Variants in VIL1 observed in about 807,000 individuals in gnomAD.
VIL1 encodes the protein villin-1.
A neutral mutation model predicts 104.0 loss-of-function variants in VIL1; 86 were observed. The ratio of observed to expected loss-of-function variants is 0.83; its 90% CI spans 0.69 to 0.99. The LOEUF is 0.99. VIL1 is among the 50% of genes least tolerant of loss of function. VIL1 has a pLI of 0.00. For missense variants in VIL1, 944 were observed against 1,054.1 expected, an observed-to-expected ratio of 0.90 and a Z score of 1.45; for synonymous variants, 394 against 412.6, an observed-to-expected ratio of 0.95 and a Z score of 0.55.
At chr2:218,441,961 T>C (rs1245493481) in intron 19 of VIL1, among the ~76,000 whole-genome samples, 1 of 152,072 alleles carries the variant, frequency 6.6e-6, no homozygotes, top group Non-Finnish European at 1.5e-5. Context: ...CACTCCAGCC[T>C]GGGCGACAAG....
In VIL1 at chr2:218,453,024, A is replaced by G. The variant is rs1689529790; in HGVS notation, c.*3688A>G. 1 of 152,216 alleles carries G rather than the reference A, an allele frequency of 6.6e-6. No homozygotes were observed. Among genetic ancestry groups the G allele is most frequent in the South Asian group, 2.1e-4 (1 of 4,834 alleles). The allele number at this position is 152,216 out of a possible 1,614,324, so 9.4% of individuals were successfully genotyped here. A position where few individuals can be genotyped will look rare whatever the true frequency, so the allele number is the denominator to read the frequency against. On this transcript the variant is annotated 3_prime_UTR_variant, in exon 20 of 20. Coordinates refer to ENST00000248444, the MANE Select transcript of VIL1 (RefSeq NM_007127.3). The stretch of plus-strand genomic sequence containing the variant: ...CTACTCTGGCGTTTTCTACCACTCT[A>G]CCATTTTGGAACATTCATTACAATA...
chr2:218,426,727 C>G (rs1022281394), intron 4 of VIL1, among the ~76,000 whole-genome samples: 5 of 152,126 alleles, frequency 3.3e-5, no homozygotes, highest in Non-Finnish European at 7.4e-5. Context: ...TCAGCCTCCC[C>G]AGCAGCTGGG....
chr2:218,419,292 G>T, intron 1 of VIL1, 124 bp downstream of exon 1: 1 of 152,320 alleles, frequency 6.6e-6, no homozygotes, highest in Non-Finnish European at 1.5e-5. Context: ...GGGGAGGCTT[G>T]ACACTCTGGA....
At chr2:218,434,054 G>A (rs1465755790) in intron 13 of VIL1, among the ~76,000 whole-genome samples, 4 of 151,772 alleles carry the variant, frequency 2.6e-5, no homozygotes, top group Admixed American at 1.3e-4. Flanking sequence ...AAAATTAGCC[G>A]GGCGTGGCAG....
At chr2:218,440,603 T>A in intron 18 of VIL1, 119 bp from the exon 19 acceptor site, 3 of 1,182,046 alleles carry the variant, frequency 2.5e-6, no homozygotes, top group Non-Finnish European at 3.6e-6. Flanking sequence ...TGTGGCAGGG[T>A]GGGGTGGGAC....
At chr2:218,421,829 A>C (rs1243480486) in intron 1 of VIL1, among the ~76,000 whole-genome samples, 1 of 152,086 alleles carries the variant, frequency 6.6e-6, no homozygotes, top group African/African-American at 2.4e-5. Context: ...CTGCCAGTTA[A>C]CCCTGGAATC....
chr2:218,421,890 AAGTTGACCCCCTC>A (rs1487777646), intron 1 of VIL1, among the ~76,000 whole-genome samples: 2 of 152,226 alleles, frequency 1.3e-5, no homozygotes, highest in African/African-American at 4.8e-5. Context: ...TTAACCCCCT[AAGTTGACCCCCTC>A]AGCTCATAGA....
At position 218,432,194 on chromosome 2, in the gene VIL1, G is replaced by C; in HGVS notation, c.1341+11G>C. ...CTCTACGTTTGGCAGGTCAGGTCCC[G>C]CCACGTCCCACCCAGAGCACAGCCG... On this transcript the variant is annotated intron_variant, in intron 12 of 19. Transcript: ENST00000248444. 5 of 1,609,006 alleles carry C rather than the reference G, an allele frequency of 3.1e-6. No individual in the cohort carries two copies. The highest frequency in any genetic ancestry group is 2.5e-6 in the Non-Finnish European group (3 of 1,178,740).
chr2:218,419,746 G>A (rs961239898), intron 1 of VIL1, among the ~76,000 whole-genome samples: 5 of 152,258 alleles, frequency 3.3e-5, no homozygotes, highest in South Asian at 4.1e-4. Context: ...GGGCCATGCC[G>A]GGCCACCCTA....
intron 3 of VIL1, among the ~76,000 whole-genome samples, chr2:218,424,752 G>A (rs1278611021): frequency 2.6e-5 from 4 of 151,958 alleles, no homozygotes; most frequent in South Asian, 4.2e-4. Context: ...CACTTCCCGG[G>A]TTCAAGCGAT....
At position 218,424,326 on chromosome 2, in the gene VIL1, A is replaced by G. The variant is rs1288846592; in HGVS notation, c.125A>G (p.Asp42Gly). ...VPSSTFGSFF[D>G]GDCYIILAIH... ...TCCAGCACCTTTGGAAGCTTCTTCG[A>G]TGGTGACTGCTACATCATCCTGGCT... Residue 42 changes from aspartate to glycine, a missense_variant, in exon 3 of 20, where the codon GAT becomes GGT. Transcript: ENST00000248444. 1 of 1,613,912 alleles carries G rather than the reference A, an allele frequency of 6.2e-7. No homozygotes were observed. The highest frequency in any genetic ancestry group is 1.3e-5 in the African/African-American group (1 of 75,000).
intron 1 of VIL1, among the ~76,000 whole-genome samples, chr2:218,420,428 CAAA>C (rs71064447): frequency 2.5e-5 from 2 of 80,230 alleles, no homozygotes; most frequent in Admixed American, 1.6e-4. Flanking sequence ...GACTCTGTCT[CAAA>C]AAAAAAAAAA....
intron 4 of VIL1, among the ~76,000 whole-genome samples, chr2:218,426,763 G>A (rs28449400): frequency 0.015 from 2,284 of 152,166 alleles, 22 homozygotes; most frequent in Non-Finnish European, 0.024. Flanking sequence ...CACCACGTCC[G>A]GCTAATTTTT....
rs779084839 is a variant in VIL1, at chr2:218,432,199, G to A, written c.1341+16G>A. The A allele has an allele frequency of 8.1e-5, 130 of 1,608,476 alleles. No individual in the cohort carries two copies. The highest frequency in any genetic ancestry group is 1.1e-4 in the Non-Finnish European group (124 of 1,178,688). ...CGTTTGGCAGGTCAGGTCCCGCCAC[G>A]TCCCACCCAGAGCACAGCCGGCTTA... is the stretch of plus-strand genomic sequence containing the variant. On this transcript the variant is annotated intron_variant, in intron 12 of 19. Coordinates refer to ENST00000248444, the MANE Select transcript of VIL1 (RefSeq NM_007127.3).
chr2:218,450,820 A>C lies in VIL1; in HGVS notation c.*1484A>C, dbSNP rs1329210922. 6.6e-6 allele frequency: 1 copy of C among 152,254 alleles called. No homozygotes were observed. Among genetic ancestry groups the C allele is most frequent in the Non-Finnish European group, 1.5e-5 (1 of 68,044 alleles). 9.4% of individuals were successfully genotyped at this position (152,254 alleles called of 1,614,324 possible). On this transcript the variant is annotated 3_prime_UTR_variant, in exon 20 of 20. Transcript: ENST00000248444. The stretch of plus-strand genomic sequence containing the variant: ...ACCTCTGTACTTTTAAGAAAAGTCC[A>C]ATGTTACAAAATCAAATGCTTATAT...
chr2:218,446,357 C>T (rs1689363434), intron 19 of VIL1, among the ~76,000 whole-genome samples: 1 of 152,084 alleles, frequency 6.6e-6, no homozygotes, highest in African/African-American at 2.4e-5. Flanking sequence ...GCCTCAGGCT[C>T]CCGAGTAGCT....
rs1006568623 is a variant in VIL1 at position 218,432,403 on chromosome 2, C to T, written c.1341+220C>T. 1.7e-5 allele frequency: 13 copies of T among 782,222 alleles called. No individual in the cohort carries two copies. The African/African-American group carries it at 2.2e-4, about 13-fold the overall frequency. The allele number at this position is 782,222 out of a possible 1,614,324, so 48.5% of individuals were successfully genotyped here. On this transcript the variant is annotated intron_variant, in intron 12 of 19. Transcript: ENST00000248444. ...TCTCCCTTCCAATTTTCATTGCCTT[C>T]TGCACATTCTTGTCACCTGCTCTGC...
chr2:218,442,948 G>A (rs563371596), intron 19 of VIL1, among the ~76,000 whole-genome samples: 1 of 152,266 alleles, frequency 6.6e-6, no homozygotes, highest in South Asian at 2.1e-4. Context: ...GGGAGGCTAG[G>A]AGGCACATGG....
chr2:218,429,140 C>A (rs930577583), intron 6 of VIL1, 145 bp from the exon 7 acceptor site: 6 of 917,120 alleles, frequency 6.5e-6, no homozygotes, highest in Non-Finnish European at 9.8e-6. Flanking sequence ...AAAAGCTTGA[C>A]CCCTCCGACG....
Sources: allele counts gnomAD v4.1 joint callset (sites outside exome capture counted in the v4.1 genomes callset), GRCh38; gene constraint gnomAD v4.1.1; transcripts MANE v1.5; gene names NCBI Gene and HGNC (gene_info 2026-07-23, HGNC 2026-07-21).